SETD5: variants seen among roughly 807,000 people sequenced by gnomAD.
SETD5 encodes histone-lysine N-methyltransferase SETD5.
Under a neutral mutation model 153.3 loss-of-function variants are expected in SETD5, and 44 were observed. The observed-to-expected ratio is 0.29, with a 90% confidence interval of 0.23 to 0.37. The LOEUF (loss-of-function observed/expected upper bound fraction) is 0.37, where lower values mean the gene tolerates loss of function less well. SETD5 is among the 10% of genes least tolerant of loss of function. SETD5 has a pLI of 1.00. For missense variants in SETD5, 1,544 were observed against 1,768.0 expected (o/e 0.87, Z 2.27); for synonymous variants, 716 against 645.2 (o/e 1.11, Z -1.66).
At chr3:9,399,976 G>C (rs2034495188) in intron 1 of SETD5, among the ~76,000 whole-genome samples, 1 of 152,166 alleles carries the variant, frequency 6.6e-6, no homozygotes, top group Admixed American at 6.5e-5. Flanking sequence ...CTTGAGTAGT[G>C]CTGGCTGCTG....
At chr3:9,437,869 G>A (rs567147100) in intron 7 of SETD5, among the ~76,000 whole-genome samples, 2 of 152,096 alleles carry the variant, frequency 1.3e-5, no homozygotes, top group South Asian at 4.2e-4. Context: ...CAGGCGTGGT[G>A]GCAGGCACCT....
chr3:9,452,457 G>T (rs533364789), intron 16 of SETD5, among the ~76,000 whole-genome samples: 2 of 152,122 alleles, frequency 1.3e-5, no homozygotes, highest in Non-Finnish European at 2.9e-5. Context: ...ATCTAAGATA[G>T]TTCATTCTTC....
intron 19 of SETD5, among the ~76,000 whole-genome samples, chr3:9,471,531 G>A (rs982515286): frequency 6.6e-6 from 1 of 152,232 alleles, no homozygotes; most frequent in Non-Finnish European, 1.5e-5. Flanking sequence ...CAGCAGGCAT[G>A]CAGTATGGTG....
intron 17 of SETD5, among the ~76,000 whole-genome samples, chr3:9,458,888 C>T (rs866129059): frequency 3.3e-5 from 5 of 152,134 alleles, no homozygotes; most frequent in Middle Eastern, 3.4e-3. Context: ...AAAGTAATTG[C>T]GTTTTTGGAC....
intron 18 of SETD5, among the ~76,000 whole-genome samples, chr3:9,465,195 C>T (rs183875703): frequency 9.2e-5 from 14 of 152,222 alleles, no homozygotes; most frequent in African/African-American, 3.1e-4. Context: ...TTTTTCCACT[C>T]CAGGTTACTT....
At chr3:9,465,468 T>C (rs1462358423) in intron 18 of SETD5, among the ~76,000 whole-genome samples, 1 of 152,252 alleles carries the variant, frequency 6.6e-6, no homozygotes, top group African/African-American at 2.4e-5. Flanking sequence ...GTCTCTTTTT[T>C]CCTTCTCAGA....
intron 2 of SETD5, among the ~76,000 whole-genome samples, chr3:9,425,618 C>T (rs2039070204): frequency 7.3e-6 from 1 of 137,488 alleles, no homozygotes; most frequent in Non-Finnish European, 1.5e-5. Flanking sequence ...CACTTTTGCT[C>T]AGGCTGGAGT....
rs1034128168 is a variant in SETD5 at position 9,477,649 on chromosome 3, G to T, written c.*1558G>T. 5 of 149,638 alleles carry T rather than the reference G, an allele frequency of 3.3e-5. No individual in the cohort carries two copies. The highest frequency in any genetic ancestry group is 7.4e-5 in the Non-Finnish European group (5 of 67,520). The allele number at this position is 149,638 out of a possible 1,614,324, so 9.3% of individuals were successfully genotyped here. The stretch of plus-strand genomic sequence containing the variant: ...TTACAAAATTTCACTTTTCAAAATC[G>T]AAATCAGGTGTTTGCTCAAATGAGG... On this transcript the variant is annotated 3_prime_UTR_variant, in exon 23 of 23. Transcript: ENST00000402198.
chr3:9,420,902 C>A (rs2038285226), intron 1 of SETD5, among the ~76,000 whole-genome samples: 1 of 151,196 alleles, frequency 6.6e-6, no homozygotes, highest in South Asian at 2.1e-4. Flanking sequence ...GAAATATATG[C>A]TTTTGGAGAA....
chr3:9,435,914 G>T lies in SETD5; in HGVS notation c.567+8G>T, dbSNP rs1372278943. 2 of 1,560,086 alleles carry T rather than the reference G, an allele frequency of 1.3e-6. No individual in the cohort carries two copies. The highest frequency in any genetic ancestry group is 2.0e-5 in the Admixed American group (1 of 49,412). On this transcript the variant is annotated splice_region_variant and intron_variant, in intron 7 of 22. Coordinates refer to ENST00000402198, the MANE Select transcript of SETD5 (RefSeq NM_001080517.3). ...AAGACGAAGAAAATCAAGGTATGCA[G>T]GGTAAAAATATCTTAAATAGAAATT...
intron 14 of SETD5, 36 bp from the exon 15 acceptor site, chr3:9,447,650 A>G: frequency 1.3e-6 from 2 of 1,591,786 alleles, no homozygotes; most frequent in South Asian, 1.1e-5. Context: ...CTGATAAAAC[A>G]TTTCTGGTAA....
In SETD5 at chr3:9,410,920, G is replaced by A. The variant is rs537665118; in HGVS notation, c.-177+12943G>A. On this transcript the variant is annotated intron_variant, in intron 1 of 22. Coordinates refer to ENST00000402198, the MANE Select transcript of SETD5 (RefSeq NM_001080517.3). The stretch of plus-strand genomic sequence containing the variant: ...TTTCTTTTTTTTGAGATGGAGTCTC[G>A]CTCTGTTTCGCAGGCTGGAGTGCAG... Among the ~76,000 whole-genome samples, 12 of 147,020 alleles carry A rather than the reference G, an allele frequency of 8.2e-5. No individual in the cohort carries two copies. In the South Asian group the frequency reaches 1.5e-3, roughly 18 times the overall value.
rs1279586734 is a variant in SETD5 at position 9,435,825 on chromosome 3, A to G, written c.486A>G (p.Leu162=). 1 of 1,602,034 alleles carries G rather than the reference A, an allele frequency of 6.2e-7. No individual in the cohort carries two copies. The highest frequency in any genetic ancestry group is 1.7e-5 in the Admixed American group (1 of 57,888). ...AGCACACACCTACAAGCATCACCTT[A>G]ACTGTTAGAAGAACCAAACCCAAGA... ...ATQHTPTSIT[L]TVRRTKPKKR... is the part of the protein sequence containing the mutation. Residue 162 remains leucine, a synonymous_variant, in exon 7 of 23, where the codon TTA becomes TTG. Transcript: ENST00000402198.
intron 7 of SETD5, chr3:9,436,822 G>T (rs1186122641): frequency 6.5e-7 from 1 of 1,548,880 alleles, no homozygotes; most frequent in Non-Finnish European, 8.7e-7. Flanking sequence ...AGTTTTGTTT[G>T]TTCTACTTGT....
intron 17 of SETD5, among the ~76,000 whole-genome samples, chr3:9,457,255 G>A (rs573550003): frequency 1.9e-3 from 295 of 152,196 alleles, no homozygotes; most frequent in South Asian, 4.4e-3. Context: ...TTGGGAGGCC[G>A]AGATGGGTGG....
chr3:9,413,649 G>GGGTGTGTGTGTGTGT (rs200761097), intron 1 of SETD5, among the ~76,000 whole-genome samples: 5 of 140,366 alleles, frequency 3.6e-5, no homozygotes, highest in Non-Finnish European at 4.6e-5. Flanking sequence ...GGGGAGGCGG[G>GGGTGTGTGTGTGTGT]GTGTGTGTGT....
At chr3:9,442,030 C>T (rs1347075241) in intron 9 of SETD5, 98 bp from the exon 10 acceptor site, 2 of 835,124 alleles carry the variant, frequency 2.4e-6, no homozygotes, top group Non-Finnish European at 3.8e-6. Flanking sequence ...TTGCAAAAGA[C>T]TGCTGCTGCT....
intron 1 of SETD5, among the ~76,000 whole-genome samples, chr3:9,401,019 C>T (rs545108057): frequency 2.6e-5 from 4 of 152,294 alleles, no homozygotes; most frequent in South Asian, 2.1e-4. Flanking sequence ...TGTTCATTTT[C>T]GTGTAAATGT....
Position 9,474,820 on chromosome 3 carries a change from T to C in SETD5, c.3631+238T>C, listed in dbSNP as rs921850284. The C allele has an allele frequency of 4.1e-5, 26 of 634,984 alleles. No homozygotes were observed. In the South Asian group the frequency reaches 5.5e-4, roughly 13 times the overall value. The allele number at this position is 634,984 out of a possible 1,614,324, so 39.3% of individuals were successfully genotyped here. ...AATACCTTTCTGTAACTCTCATCTCTCCAAAGTCCTGGAAATCTACCTCGA... is the reference window on the plus strand; with the variant it reads ...AATACCTTTCTGTAACTCTCATCTCCCCAAAGTCCTGGAAATCTACCTCGA... On this transcript the variant is annotated intron_variant, in intron 21 of 22. Transcript: ENST00000402198.
Sources: allele counts gnomAD v4.1 joint callset (sites outside exome capture counted in the v4.1 genomes callset), GRCh38; gene constraint gnomAD v4.1.1; transcripts MANE v1.5; gene names NCBI Gene and HGNC (gene_info 2026-07-23, HGNC 2026-07-21).